CEP112: variants seen among roughly 807,000 people sequenced by gnomAD.
CEP112 encodes the protein centrosomal protein 112.
Under a neutral mutation model 153.0 loss-of-function variants are expected in CEP112, and 127 were observed. The observed-to-expected ratio is 0.83, with a 90% confidence interval of 0.72 to 0.96. The LOEUF (loss-of-function observed/expected upper bound fraction) is 0.96, where lower values mean the gene tolerates loss of function less well. Ranked by LOEUF, CEP112 falls within the 40% of genes least tolerant of loss-of-function variation. The probability of loss-of-function intolerance (pLI) is 0.00; values close to 1 mark genes in which losing one functional copy is unlikely to be tolerated. For synonymous variants in CEP112, 358 were observed against 374.4 expected (o/e 0.96, Z 0.51); for missense variants, 1,089 against 1,101.2 (o/e 0.99, Z 0.16).
intron 23 of CEP112, among the ~76,000 whole-genome samples, chr17:65,708,540 C>G (rs1348623385): frequency 3.9e-5 from 6 of 152,138 alleles, no homozygotes; most frequent in Non-Finnish European, 8.8e-5. Context: ...GTAGGACTCC[C>G]TGAGTGTAAT....
At chr17:66,013,931 A>C (rs968909454) in intron 16 of CEP112, among the ~76,000 whole-genome samples, 2 of 152,144 alleles carry the variant, frequency 1.3e-5, no homozygotes, top group African/African-American at 4.8e-5. Flanking sequence ...CTCCTTGTGC[A>C]TGTTCACACT....
intron 21 of CEP112, among the ~76,000 whole-genome samples, chr17:65,756,859 C>G (rs1412538061): frequency 6.6e-6 from 1 of 152,110 alleles, no homozygotes; most frequent in East Asian, 1.9e-4. Flanking sequence ...AGAGACATGT[C>G]CTTGAGTTAA....
intron 23 of CEP112, among the ~76,000 whole-genome samples, chr17:65,704,533 C>A (rs938992328): frequency 6.6e-6 from 1 of 152,182 alleles, no homozygotes; most frequent in South Asian, 2.1e-4. Context: ...CATTATGAGA[C>A]AATCCGGAAA....
chr17:66,157,135 C>G (rs1398602559), intron 4 of CEP112, among the ~76,000 whole-genome samples: 1 of 152,172 alleles, frequency 6.6e-6, no homozygotes, highest in Admixed American at 6.5e-5. Context: ...AGAGAAAGGT[C>G]ACGTTACCCA....
At chr17:66,173,330 T>C (rs2072324537) in intron 4 of CEP112, among the ~76,000 whole-genome samples, 2 of 152,188 alleles carry the variant, frequency 1.3e-5, no homozygotes, top group South Asian at 4.1e-4. Flanking sequence ...GTGTCCAGTT[T>C]TAAAGAGAAG....
In CEP112 at chr17:66,132,704, C is replaced by G. The variant is rs1436051245; in HGVS notation, c.530G>C (p.Arg177Thr). Residue 177 changes from arginine to threonine, a missense_variant, in exon 5 of 27, where the codon AGA becomes ACA. Arg to Thr is a moderately conservative substitution (Grantham distance 71). Transcript: ENST00000535342. ...VRSHSLSPTH[R>T]EDGQNITPKI... ...TGGGGTAATATTTTGTCCATCTTCT[C>G]TGTGAGTTGGACTCAAGGAGTGTGA... The G allele has an allele frequency of 1.2e-6, 2 of 1,613,696 alleles. No homozygotes were observed. Among genetic ancestry groups the G allele is most frequent in the Admixed American group, 1.7e-5 (1 of 60,004 alleles).
chr17:66,074,873 G>GAAAAAAAAAAAAAAAAAAAAAA (rs1242846957), intron 8 of CEP112, among the ~76,000 whole-genome samples: 1 of 91,276 alleles, frequency 1.1e-5, no homozygotes, highest in Non-Finnish European at 2.3e-5. Context: ...AAAAAAAAAA[G>GAAAAAAAAAAAAAAAAAAAAAA]AAAAAAAAAA....
intron 24 of CEP112, among the ~76,000 whole-genome samples, chr17:65,641,798 T>C (rs1056666655): frequency 4.6e-5 from 7 of 152,118 alleles, no homozygotes; most frequent in Non-Finnish European, 1.0e-4. Flanking sequence ...GTTGGGGCAC[T>C]AAATGTGATT....
intron 4 of CEP112, among the ~76,000 whole-genome samples, chr17:66,169,930 C>A (rs2072173065): frequency 6.6e-6 from 1 of 152,132 alleles, no homozygotes; most frequent in Admixed American, 6.6e-5. Flanking sequence ...CAAAAGGCTG[C>A]AATCATGATT....
intron 17 of CEP112, among the ~76,000 whole-genome samples, chr17:65,977,124 C>T (rs6504378): frequency 1 from 151,731 of 152,324 alleles, 75,571 homozygotes; most frequent in Middle Eastern, 1. Context: ...GAGATCTCAG[C>T]GAAGGTGTCT....
chr17:65,901,418 A>C (rs1296785650), intron 20 of CEP112, among the ~76,000 whole-genome samples: 2 of 152,228 alleles, frequency 1.3e-5, no homozygotes, highest in Non-Finnish European at 2.9e-5. Context: ...ACTCTACAGA[A>C]TGTATTGTAT....
chr17:65,758,930 A>G (rs769694782), intron 21 of CEP112, among the ~76,000 whole-genome samples: 4 of 152,138 alleles, frequency 2.6e-5, no homozygotes, highest in Non-Finnish European at 5.9e-5. Flanking sequence ...TGAGGCGGAG[A>G]CCTACTGAGC....
intron 8 of CEP112, among the ~76,000 whole-genome samples, chr17:66,092,045 T>C (rs966991199): frequency 6.0e-5 from 3 of 49,950 alleles, no homozygotes; most frequent in Non-Finnish European, 1.4e-4. Flanking sequence ...ATGTATTTAC[T>C]TTTTTTTTTT....
At chr17:66,176,214 C>T (rs1472779416) in intron 3 of CEP112, among the ~76,000 whole-genome samples, 1 of 152,062 alleles carries the variant, frequency 6.6e-6, no homozygotes, top group East Asian at 1.9e-4. Context: ...TCAAAGCTAC[C>T]AATACCTAGT....
At chr17:65,658,939 C>G (rs938970723) in intron 24 of CEP112, among the ~76,000 whole-genome samples, 2 of 145,694 alleles carry the variant, frequency 1.4e-5, no homozygotes. Context: ...AAGCAGAAGA[C>G]CAGGCCATTT....
chr17:65,749,407 C>G (rs2051675391), intron 22 of CEP112, among the ~76,000 whole-genome samples: 1 of 151,950 alleles, frequency 6.6e-6, no homozygotes, highest in Admixed American at 6.6e-5. Flanking sequence ...ACTCGGGAGG[C>G]TGAGGCAGGA....
intron 4 of CEP112, among the ~76,000 whole-genome samples, chr17:66,143,570 G>A (rs570847961): frequency 3.1e-4 from 47 of 152,176 alleles, no homozygotes; most frequent in Non-Finnish European, 5.7e-4. Flanking sequence ...AAAGAAATTC[G>A]TGAATACGGT....
intron 24 of CEP112, among the ~76,000 whole-genome samples, chr17:65,666,216 T>C (rs2046683513): frequency 6.6e-6 from 1 of 152,206 alleles, no homozygotes; most frequent in Non-Finnish European, 1.5e-5. Flanking sequence ...CTACAGAAAG[T>C]AAACAACAAT....
intron 21 of CEP112, among the ~76,000 whole-genome samples, chr17:65,753,938 A>G (rs940115612): frequency 6.6e-6 from 1 of 152,182 alleles, no homozygotes; most frequent in East Asian, 1.9e-4. Context: ...CACAAACCCA[A>G]TGAAGCTCCT....
Sources: allele counts gnomAD v4.1 joint callset (sites outside exome capture counted in the v4.1 genomes callset), GRCh38; gene constraint gnomAD v4.1.1; transcripts MANE v1.5; gene names NCBI Gene and HGNC (gene_info 2026-07-23, HGNC 2026-07-21).